SEL1L2: variants seen among roughly 807,000 people sequenced by gnomAD.
The protein encoded by SEL1L2 is SEL1L2 adaptor subunit of SYVN1 ubiquitin ligase.
Under a neutral mutation model 98.8 loss-of-function variants are expected in SEL1L2, and 89 were observed. The observed-to-expected ratio is 0.90, with a 90% CI of 0.76 to 1.07. The LOEUF (loss-of-function observed/expected upper bound fraction) is 1.07. SEL1L2 is among the 50% of genes least tolerant of loss of function. The pLI is 0.00. For synonymous variants in SEL1L2, 262 were observed against 278.5 expected (o/e 0.94, Z 0.59); for missense variants, 788 against 812.0 (o/e 0.97, Z 0.36).
At position 13,970,336 on chromosome 20, in the gene SEL1L2, C is replaced by T. The variant is rs890791061; in HGVS notation, c.59-14205G>A. ...ATTTATGATGTTTTTAATTATTTTG[C>T]CATGACAAACAATACTGTAAGGGAT... On this transcript the variant is annotated intron_variant, in intron 1 of 19. Coordinates refer to ENST00000284951, the MANE Select transcript of SEL1L2 (RefSeq NM_025229.2). Among the ~76,000 whole-genome samples, 4 of 152,054 alleles carry T rather than the reference C, an allele frequency of 2.6e-5. No individual in the cohort carries two copies. In the East Asian group the frequency reaches 7.7e-4, roughly 29 times the overall value.
At chr20:13,929,913 C>A (rs1321706958) in intron 3 of SEL1L2, among the ~76,000 whole-genome samples, 2 of 152,180 alleles carry the variant, frequency 1.3e-5, no homozygotes, top group African/African-American at 4.8e-5. Context: ...GCCTCAACCT[C>A]CCAAGTAGCT....
chr20:13,925,809 T>C (rs1418950393), intron 3 of SEL1L2, among the ~76,000 whole-genome samples: 1 of 152,258 alleles, frequency 6.6e-6, no homozygotes, highest in Non-Finnish European at 1.5e-5. Flanking sequence ...GCAACACTTT[T>C]AGGTATTTGT....
intron 5 of SEL1L2, among the ~76,000 whole-genome samples, chr20:13,891,242 G>A (rs1600638779): frequency 6.6e-6 from 1 of 152,138 alleles, no homozygotes; most frequent in South Asian, 2.1e-4. Context: ...CAATGGTAAA[G>A]AATGTTAAAA....
Position 13,986,234 on chromosome 20 carries a change from A to T in SEL1L2, c.58+4243T>A, listed in dbSNP as rs6033863. ...GTTTACCAAAGCATTGCAACATTTT[A>T]AAAAAAATTGAGGTGAAATCCATAT... On this transcript the variant is annotated intron_variant, in intron 1 of 19. Transcript: ENST00000284951. Among the ~76,000 whole-genome samples the T allele has an allele frequency of 7.1e-3, 1,084 of 152,226 alleles. 12 individuals are homozygous for T. The highest frequency in any genetic ancestry group is 0.024 in the African/African-American group (1,016 of 41,530).
chr20:13,966,639 T>C (rs2051057531), intron 1 of SEL1L2, among the ~76,000 whole-genome samples: 1 of 151,796 alleles, frequency 6.6e-6, no homozygotes, highest in Admixed American at 6.6e-5. Context: ...TGCTTAGAAA[T>C]AGTCATTTCA....
Position 13,888,458 on chromosome 20 carries a change from C to G in SEL1L2, c.603+1G>C. 6.4e-7 allele frequency: 1 copy of G among 1,553,776 alleles called. No individual in the cohort carries two copies. The highest frequency in any genetic ancestry group is 8.8e-7 in the Non-Finnish European group (1 of 1,133,488). On this transcript the variant is annotated splice_donor_variant, in intron 6 of 19. Transcript: ENST00000284951. LOFTEE classifies it high-confidence loss of function. ...CCAGAATAAAACAGAATGATCTTTA[C>G]CTTAGCTTGATCATATTCCATTCCT...
At chr20:13,910,829 C>G (rs1486215808) in intron 5 of SEL1L2, among the ~76,000 whole-genome samples, 1 of 152,182 alleles carries the variant, frequency 6.6e-6, no homozygotes, top group Admixed American at 6.5e-5. Context: ...TAGAGTAACA[C>G]TAGCTAGATG....
chr20:13,880,117 C>T (rs2046626200), intron 10 of SEL1L2, among the ~76,000 whole-genome samples: 3 of 152,206 alleles, frequency 2.0e-5, no homozygotes, highest in African/African-American at 4.8e-5. Context: ...GTATGAATGT[C>T]TATCCATCTC....
At chr20:13,885,283 C>T (rs914466601) in intron 10 of SEL1L2, 64 bp downstream of exon 10, 3 of 1,061,918 alleles carry the variant, frequency 2.8e-6, no homozygotes, top group Admixed American at 3.4e-5. Flanking sequence ...CTTTCACTTC[C>T]CTGCCAGCCT....
chr20:13,922,035 C>T (rs906073801), intron 3 of SEL1L2, among the ~76,000 whole-genome samples: 1 of 152,138 alleles, frequency 6.6e-6, no homozygotes, highest in Non-Finnish European at 1.5e-5. Context: ...AGCTCTTATT[C>T]CAACATAATT....
At chr20:13,944,586 C>T (rs891370206) in intron 2 of SEL1L2, among the ~76,000 whole-genome samples, 1 of 152,114 alleles carries the variant, frequency 6.6e-6, no homozygotes, top group Non-Finnish European at 1.5e-5. Flanking sequence ...ATCAAGAGTT[C>T]AGTAGTCAAC....
intron 5 of SEL1L2, among the ~76,000 whole-genome samples, chr20:13,904,642 C>T (rs1256782940): frequency 6.6e-6 from 1 of 152,094 alleles, no homozygotes; most frequent in Non-Finnish European, 1.5e-5. Flanking sequence ...GCTGTTACTG[C>T]CAATGGAAGG....
At chr20:13,909,612 G>A (rs116748542) in intron 5 of SEL1L2, among the ~76,000 whole-genome samples, 2,140 of 152,234 alleles carry the variant, frequency 0.014, 52 homozygotes, top group African/African-American at 0.049. Context: ...GAATAAGGGT[G>A]GATGTCAGGG....
intron 13 of SEL1L2, among the ~76,000 whole-genome samples, 163 bp downstream of exon 13, chr20:13,869,978 C>T (rs2046105838): frequency 6.6e-6 from 1 of 152,148 alleles, no homozygotes; most frequent in Admixed American, 6.5e-5. Flanking sequence ...TCTTCAGTGT[C>T]TCTTTGGCAG....
chr20:13,859,381 T>A lies in SEL1L2; in HGVS notation c.1699A>T (p.Thr567Ser). Residue 567 changes from threonine to serine, a missense_variant, in exon 18 of 20, where the codon ACT becomes TCT. By Grantham distance (58) the Thr-to-Ser change is moderately conservative (BLOSUM62 1). Transcript: ENST00000284951. ...GCTGCTGTTTGATAGTCTTTCTTAGTCCCATAGCCATAGTAATGGTAATCT... is the reference window on the plus strand; with the variant it reads ...GCTGCTGTTTGATAGTCTTTCTTAGACCCATAGCCATAGTAATGGTAATCT... ...IGDYHYYGYG[T>S]KKDYQTAATH... The A allele has an allele frequency of 1.2e-6, 2 of 1,614,072 alleles. No homozygotes were observed. The highest frequency in any genetic ancestry group is 3.3e-5 in the Admixed American group (2 of 60,028).
At chr20:13,909,942 G>C (rs1176856911) in intron 5 of SEL1L2, among the ~76,000 whole-genome samples, 1 of 152,150 alleles carries the variant, frequency 6.6e-6, no homozygotes, top group Non-Finnish European at 1.5e-5. Flanking sequence ...CTGCACTCCA[G>C]CCTGGGCAAC....
intron 18 of SEL1L2, 106 bp downstream of exon 18, chr20:13,859,152 CTCCT>C (rs1989649445): frequency 1.9e-6 from 2 of 1,037,938 alleles, no homozygotes; most frequent in Admixed American, 2.1e-5. Flanking sequence ...GTTAAGTCCT[CTCCT>C]TCCTTCCTCT....
intron 1 of SEL1L2, among the ~76,000 whole-genome samples, chr20:13,990,103 C>G (rs2052467542): frequency 6.6e-6 from 1 of 152,146 alleles, no homozygotes; most frequent in South Asian, 2.1e-4. Flanking sequence ...CTTTCACACT[C>G]TTTGAGTCTT....
In SEL1L2 at chr20:13,865,482, C is replaced by G. The variant is rs1990848803; in HGVS notation, c.1437G>C (p.Trp479Cys). 1.9e-6 allele frequency: 3 copies of G among 1,613,994 alleles called. No individual in the cohort carries two copies. In the East Asian group the frequency reaches 6.7e-5, roughly 36 times the overall value. The change falls in exon 16 of 20, where the codon TGG (tryptophan) becomes TGC (cysteine). Residue 479 changes from tryptophan to cysteine, a missense_variant. By Grantham distance (215) the Trp-to-Cys change is radical. Transcript: ENST00000284951. ...LYKGVCELGH[W>C]AEKFLTAYFA... is the part of the protein sequence containing the mutation. ...AGTAAGCTGTCAGGAATTTCTCAGC[C>G]CAGTGGCCTAGTTCACAGACACCTT...
Sources: gnomAD v4.1 joint callset for allele counts (sites outside exome capture counted in the v4.1 genomes callset) on GRCh38, gnomAD v4.1.1 for gene constraint, MANE v1.5 for transcripts, NCBI Gene and HGNC (gene_info 2026-07-23, HGNC 2026-07-21) for gene names.